The following ATAT1 variants were observed in gnomAD, a reference collection of about 807,000 sequenced individuals.
The protein encoded by ATAT1 is alpha tubulin acetyltransferase 1, also known as alpha-tubulin N-acetyltransferase 1.
ATAT1 carries 42 observed loss-of-function variants against 57.2 expected under a neutral mutation model. The observed-to-expected ratio is 0.73, with a 90% CI of 0.57 to 0.95. ATAT1 has a LOEUF of 0.95. Ranked by LOEUF, ATAT1 falls within the 40% of genes least tolerant of loss-of-function variation. The pLI is 0.00. For synonymous variants in ATAT1, 168 were observed against 187.1 expected (o/e 0.90, Z 0.83); for missense variants, 454 against 523.7 (o/e 0.87, Z 1.30).
At position 30,642,833 on chromosome 6, in the gene ATAT1, G is replaced by GGGGGGCCGCCCC; in HGVS notation, c.754_755insGGGGGCCGCCCC (p.Ala252delinsGlyGlyProProPro). On this transcript the variant is annotated protein_altering_variant, in exon 10 of 13. Transcript: ENST00000330083. Reference sequence around the variant, plus strand: ...GGCCCCTCGCCGCGCCACACCTCCAGCCCACCCACCCCCCCGCTCCAGCAG... The same window carrying GGGGGGCCGCCCC: ...GGCCCCTCGCCGCGCCACACCTCCAGGGGGGCCGCCCCCCCACCCACCCCCCCGCTCCAGCAG... 3 of 1,537,874 alleles carry GGGGGGCCGCCCC rather than the reference G, an allele frequency of 2.0e-6. No individual in the cohort carries two copies. Among genetic ancestry groups the GGGGGGCCGCCCC allele is most frequent in the South Asian group, 1.2e-5 (1 of 86,358 alleles).
Position 30,640,577 on chromosome 6 carries a change from C to T in ATAT1, c.590C>T (p.Ala197Val), listed in dbSNP as rs150294372. 3 of 1,613,050 alleles carry T rather than the reference C, an allele frequency of 1.9e-6. No individual in the cohort carries two copies. Among genetic ancestry groups the T allele is most frequent in the Non-Finnish European group, 2.5e-6 (3 of 1,180,036 alleles). The stretch of plus-strand genomic sequence containing the variant: ...CTGAGGGCAACTCGACACTCTCGTG[C>T]TGCTGCAGTCGATCCCACGCCCGCT... The change falls in exon 8 of 13, where the codon GCT (alanine) becomes GTT (valine). Residue 197 changes from alanine to valine, a missense_variant. Around this residue, in one of 3 missense-constraint regions of ATAT1, gnomAD observed 236 missense variants for 284.5 expected, o/e 0.83. Coordinates refer to ENST00000330083, the MANE Select transcript of ATAT1 (RefSeq NM_001031722.4).
chr6:30,635,588 C>CAA (rs567508154), intron 6 of ATAT1, among the ~76,000 whole-genome samples: 413 of 78,292 alleles, frequency 5.3e-3, no homozygotes, highest in Middle Eastern at 0.032. Flanking sequence ...AACTCCATCT[C>CAA]AAAAAAAAAA....
Position 30,646,225 on chromosome 6 carries a change from C to T in ATAT1, c.1055+116C>T, listed in dbSNP as rs540402236. 72 of 1,490,700 alleles carry T rather than the reference C, an allele frequency of 4.8e-5. No individual in the cohort carries two copies. In the East Asian group the frequency reaches 5.7e-4, roughly 12 times the overall value. 92.3% of individuals were successfully genotyped at this position (1,490,700 alleles called of 1,614,324 possible). A position where few individuals can be genotyped will look rare whatever the true frequency, so the allele number is the denominator to read the frequency against. ...TATTGTATGAACTGGACACCAGCTC[C>T]TCCCACAATTCCTTCTACCTTACAT... On this transcript the variant is annotated intron_variant, in intron 12 of 12. Coordinates refer to ENST00000330083, the MANE Select transcript of ATAT1 (RefSeq NM_001031722.4).
chr6:30,642,075 G>C, intron 8 of ATAT1, 101 bp from the exon 9 acceptor site: 1 of 1,587,940 alleles, frequency 6.3e-7, no homozygotes, highest in Non-Finnish European at 8.6e-7. Flanking sequence ...GAACTGTGGT[G>C]TCAGGGAGCA....
At chr6:30,629,833 C>T (rs925550999) in intron 6 of ATAT1, among the ~76,000 whole-genome samples, 3 of 152,328 alleles carry the variant, frequency 2.0e-5, no homozygotes, top group South Asian at 2.1e-4. Flanking sequence ...CGTGAGCCAC[C>T]GTGCCCGACC....
At chr6:30,629,683 T>C (rs1762432458) in intron 6 of ATAT1, among the ~76,000 whole-genome samples, 1 of 152,202 alleles carries the variant, frequency 6.6e-6, no homozygotes, top group African/African-American at 2.4e-5. Flanking sequence ...TAGCTGGGAC[T>C]ACAGGTGCCC....
intron 6 of ATAT1, among the ~76,000 whole-genome samples, chr6:30,629,202 T>C (rs971085281): frequency 5.3e-5 from 8 of 151,928 alleles, no homozygotes; most frequent in African/African-American, 1.9e-4. Flanking sequence ...CCCAGACTTA[T>C]TTTGATTCTT....
chr6:30,639,723 C>T (rs9262131), intron 6 of ATAT1, among the ~76,000 whole-genome samples: 43,898 of 151,148 alleles, frequency 0.29, 6,830 homozygotes, highest in Middle Eastern at 0.37. Context: ...ATGATCCGCC[C>T]GCCTCGGCCT....
chr6:30,634,641 A>G (rs545327235), intron 6 of ATAT1, among the ~76,000 whole-genome samples: 94 of 139,132 alleles, frequency 6.8e-4, no homozygotes, highest in African/African-American at 2.1e-3. Context: ...GTGTGACCAT[A>G]TTCATTATAA....
intron 9 of ATAT1, 50 bp downstream of exon 9, chr6:30,642,297 G>C (rs1367719357): frequency 6.2e-7 from 1 of 1,610,754 alleles, no homozygotes; most frequent in South Asian, 1.1e-5. Flanking sequence ...CTTAACACAA[G>C]GGAAGAGAAT....
chr6:30,640,281 T>G, intron 6 of ATAT1, 96 bp from the exon 7 acceptor site: 1 of 1,337,476 alleles, frequency 7.5e-7, no homozygotes, highest in Non-Finnish European at 1.1e-6. Context: ...CACTCTGTGA[T>G]GTTCACACAA....
intron 6 of ATAT1, among the ~76,000 whole-genome samples, chr6:30,629,756 G>T (rs1222946633): frequency 1.3e-5 from 2 of 151,878 alleles, no homozygotes; most frequent in African/African-American, 4.8e-5. Flanking sequence ...GTGTTAGCCA[G>T]GATGGTCTAG....
intron 11 of ATAT1, 45 bp from the exon 12 acceptor site, chr6:30,646,022 C>T (rs1455024219): frequency 3.7e-6 from 6 of 1,606,654 alleles, no homozygotes; most frequent in Non-Finnish European, 5.1e-6. Context: ...GCCACATTCA[C>T]TGTCTACTCC....
intron 10 of ATAT1, chr6:30,644,430 TC>T (rs1766222529): frequency 1.0e-6 from 1 of 985,662 alleles, no homozygotes; most frequent in African/African-American, 1.7e-5. Flanking sequence ...TCTCCTTTCC[TC>T]CATAGCAAGG....
In ATAT1 at chr6:30,640,382, C is replaced by T; in HGVS notation, c.507C>T (p.Asn169=). 1 of 1,613,038 alleles carries T rather than the reference C, an allele frequency of 6.2e-7. No individual in the cohort carries two copies. Among genetic ancestry groups the T allele is most frequent in the South Asian group, 1.1e-5 (1 of 91,082 alleles). The change falls in exon 7 of 13, where the codon AAC becomes AAT. Residue 169 remains asparagine (N), a synonymous_variant. Transcript: ENST00000330083. ...TTGTTTGTTTCATCTTCCAGGTGAA[C>T]AACTTTGTGATCTTTGAAGGCTTCT...
At position 30,628,227 on chromosome 6, in the gene ATAT1, C is replaced by G. The variant is rs545422767; in HGVS notation, c.399+82C>G. On this transcript the variant is annotated intron_variant, in intron 5 of 12. Transcript: ENST00000330083. ...CTTCCAGAAGCCCTGCCTCCCACCCCCCATGTTCCCATGTCATTCTATTCC... is the reference window on the plus strand; with the variant it reads ...CTTCCAGAAGCCCTGCCTCCCACCCGCCATGTTCCCATGTCATTCTATTCC... 24 of 1,524,082 alleles carry G rather than the reference C, an allele frequency of 1.6e-5. No homozygotes were observed. In the Admixed American group the frequency reaches 1.9e-4, roughly 12 times the overall value. The allele number at this position is 1,524,082 out of a possible 1,614,324, so 94.4% of individuals were successfully genotyped here.
chr6:30,627,062 C>T lies in ATAT1; in HGVS notation c.-142C>T. Reference sequence around the variant, plus strand: ...CTCCAAACCTGGTCCAGGCACCACGCCCCCTTCTCACTGACTAGTGATCGC... The same window carrying T: ...CTCCAAACCTGGTCCAGGCACCACGTCCCCTTCTCACTGACTAGTGATCGC... On this transcript the variant is annotated 5_prime_UTR_variant, in exon 1 of 13. Transcript: ENST00000330083. 1 of 1,548,616 alleles carries T rather than the reference C, an allele frequency of 6.5e-7. No homozygotes were observed. The highest frequency in any genetic ancestry group is 8.7e-7 in the Non-Finnish European group (1 of 1,143,002).
chr6:30,635,155 T>A (rs975374160), intron 6 of ATAT1, among the ~76,000 whole-genome samples: 4 of 152,252 alleles, frequency 2.6e-5, no homozygotes, highest in Non-Finnish European at 5.9e-5. Flanking sequence ...GGCTGCTTAT[T>A]TATTTAGGCC....
chr6:30,627,110 C>A lies in ATAT1; in HGVS notation c.-94C>A. Reference sequence around the variant, plus strand: ...CGCCCCTTTTGATGTCCAGGCCTGCCTTTTTGGTGACCTCTGACCCTGGGC... The same window carrying A: ...CGCCCCTTTTGATGTCCAGGCCTGCATTTTTGGTGACCTCTGACCCTGGGC... On this transcript the variant is annotated 5_prime_UTR_variant, in exon 1 of 13. Transcript: ENST00000330083. The A allele has an allele frequency of 1.9e-6, 3 of 1,580,248 alleles. No homozygotes were observed. Among genetic ancestry groups the A allele is most frequent in the Non-Finnish European group, 2.6e-6 (3 of 1,161,788 alleles).
Sources: gnomAD v4.1 joint callset for allele counts (sites outside exome capture counted in the v4.1 genomes callset) on GRCh38, gnomAD v4.1.1 for gene constraint, gnomAD v4.1.1 regional missense constraint, MANE v1.5 for transcripts, NCBI Gene and HGNC (gene_info 2026-07-23, HGNC 2026-07-21) for gene names.